Variants in GRIA2 observed in about 807,000 individuals in gnomAD.
GRIA2 encodes the protein glutamate receptor 2.
A neutral mutation model predicts 97.3 loss-of-function variants in GRIA2; 14 were observed. That is an observed-to-expected ratio of 0.14 (90% confidence interval 0.10 to 0.23). GRIA2 has a LOEUF of 0.23. Among genes scored for constraint, GRIA2 ranks in the 10% least tolerant of loss-of-function variants. The pLI, the probability that GRIA2 is intolerant of heterozygous loss-of-function variation, is 1.00. For missense variants in GRIA2, 558 were observed against 1,069.8 expected, an observed-to-expected ratio of 0.52 and a Z score of 6.67; for synonymous variants, 412 against 387.8, an observed-to-expected ratio of 1.06 and a Z score of -0.73.
chr4:157,270,694 A>C (rs1207382068), intron 2 of GRIA2, among the ~76,000 whole-genome samples: 1 of 152,086 alleles, frequency 6.6e-6, no homozygotes, highest in Non-Finnish European at 1.5e-5. Flanking sequence ...CCTTGTGTGC[A>C]CCCTTATGGT....
At position 157,360,084 on chromosome 4, in the gene GRIA2, T is replaced by C; in HGVS notation, c.2232T>C (p.Val744=). The C allele has an allele frequency of 1.2e-6, 2 of 1,613,878 alleles. No homozygotes were observed. Among genetic ancestry groups the C allele is most frequent in the Non-Finnish European group, 1.7e-6 (2 of 1,179,888 alleles). ...EQRKPCDTMK[V]GGNLDSKGYG... ...GGAAGCCTTGCGACACCATGAAAGT[T>C]GGTGGAAACCTGGATTCCAAAGGCT... The change falls in exon 13 of 16, where the codon GTT becomes GTC. Residue 744 remains valine (V), a synonymous_variant. Transcript: ENST00000264426.
chr4:157,338,883 A>T (rs1212364331), intron 11 of GRIA2, among the ~76,000 whole-genome samples: 1 of 152,040 alleles, frequency 6.6e-6, no homozygotes, highest in Non-Finnish European at 1.5e-5. Context: ...ACCCTAGTTG[A>T]GAAGAATACA....
At chr4:157,229,993 C>T (rs1005410887) in intron 2 of GRIA2, among the ~76,000 whole-genome samples, 3 of 152,060 alleles carry the variant, frequency 2.0e-5, no homozygotes, top group Admixed American at 2.0e-4. Flanking sequence ...TAAGTATATT[C>T]TATGCTTGTT....
intron 2 of GRIA2, among the ~76,000 whole-genome samples, chr4:157,293,132 G>A (rs1733181173): frequency 6.6e-6 from 1 of 152,042 alleles, no homozygotes; most frequent in African/African-American, 2.4e-5. Flanking sequence ...CTATATTTGG[G>A]TGATAATTTG....
intron 12 of GRIA2, among the ~76,000 whole-genome samples, chr4:157,355,943 A>ATATATT (rs1560781206): frequency 1.7e-4 from 1 of 5,814 alleles, no homozygotes; most frequent in Non-Finnish European, 7.9e-4. Flanking sequence ...TTATATATTA[A>ATATATT]TATATATTTA....
chr4:157,332,271 A>T (rs1390062308), intron 6 of GRIA2, among the ~76,000 whole-genome samples: 1 of 151,968 alleles, frequency 6.6e-6, no homozygotes, highest in Non-Finnish European at 1.5e-5. Flanking sequence ...GAAATTATGA[A>T]GTTTTGTGGT....
At chr4:157,228,801 AAAAAAAAAAG>A (rs1389559702) in intron 2 of GRIA2, among the ~76,000 whole-genome samples, 1 of 150,676 alleles carries the variant, frequency 6.6e-6, no homozygotes, top group East Asian at 1.9e-4. Context: ...AAAAAAAAAA[AAAAAAAAAAG>A]AAGGAAAAAA....
At chr4:157,332,699 T>C in intron 6 of GRIA2, 120 bp from the exon 7 acceptor site, 1 of 650,348 alleles carries the variant, frequency 1.5e-6, no homozygotes, top group Non-Finnish European at 2.7e-6. Context: ...AGAAATTGTG[T>C]TTAAATTCTT....
intron 2 of GRIA2, among the ~76,000 whole-genome samples, chr4:157,224,067 G>A (rs1235142815): frequency 3.3e-5 from 5 of 152,058 alleles, no homozygotes; most frequent in Non-Finnish European, 7.4e-5. Context: ...TAATCAACAT[G>A]TGGACTTCTT....
At chr4:157,307,943 T>C (rs2126876184) in intron 3 of GRIA2, among the ~76,000 whole-genome samples, 1 of 152,384 alleles carries the variant, frequency 6.6e-6, no homozygotes, top group Non-Finnish European at 1.5e-5. Flanking sequence ...TAATTTGGCC[T>C]AGGCATGCTG....
At position 157,315,157 on chromosome 4, in the gene GRIA2, A is replaced by G. The variant is rs573279396; in HGVS notation, c.666+2282A>G. Among the ~76,000 whole-genome samples the G allele has an allele frequency of 6.6e-5, 10 of 152,344 alleles. No individual in the cohort carries two copies. In the East Asian group the frequency reaches 1.9e-3, roughly 29 times the overall value. On this transcript the variant is annotated intron_variant, in intron 4 of 15. Transcript: ENST00000264426. ...CTAATGTTTGCCAGGCAGGCACTGCAGTAGATCCAAGGAAGCAATGTTAAA... is the reference window on the plus strand; with the variant it reads ...CTAATGTTTGCCAGGCAGGCACTGCGGTAGATCCAAGGAAGCAATGTTAAA...
At chr4:157,241,572 A>G (rs2126717807) in intron 2 of GRIA2, among the ~76,000 whole-genome samples, 1 of 152,228 alleles carries the variant, frequency 6.6e-6, no homozygotes, top group East Asian at 1.9e-4. Flanking sequence ...GACAAAAAAG[A>G]TCATACATCC....
intron 5 of GRIA2, 134 bp downstream of exon 5, chr4:157,317,845 G>A: frequency 2.1e-6 from 1 of 479,178 alleles, no homozygotes; most frequent in Non-Finnish European, 3.8e-6. Context: ...GTGTAGTGGT[G>A]GGCACCTGTA....
intron 2 of GRIA2, among the ~76,000 whole-genome samples, chr4:157,276,674 A>C (rs947475459): frequency 3.9e-5 from 6 of 152,086 alleles, no homozygotes; most frequent in Admixed American, 6.6e-5. Flanking sequence ...TAGATGATAC[A>C]AAATGCTAAT....
At chr4:157,330,431 T>C (rs1268299944) in intron 6 of GRIA2, among the ~76,000 whole-genome samples, 1 of 151,934 alleles carries the variant, frequency 6.6e-6, no homozygotes, top group East Asian at 1.9e-4. Flanking sequence ...GTAGATACTA[T>C]GTTTAGAAAA....
At chr4:157,254,006 G>T (rs142898533) in intron 2 of GRIA2, among the ~76,000 whole-genome samples, 1 of 151,438 alleles carries the variant, frequency 6.6e-6, no homozygotes, top group Non-Finnish European at 1.5e-5. Flanking sequence ...AAAAGTACAC[G>T]CACACACACA....
intron 11 of GRIA2, among the ~76,000 whole-genome samples, chr4:157,337,527 T>C (rs1032255188): frequency 6.6e-6 from 1 of 152,070 alleles, no homozygotes; most frequent in Non-Finnish European, 1.5e-5. Flanking sequence ...ATGATTTTTC[T>C]AGTGTGATTA....
At chr4:157,299,686 G>A (rs1213821036) in intron 2 of GRIA2, among the ~76,000 whole-genome samples, 2 of 152,090 alleles carry the variant, frequency 1.3e-5, no homozygotes, top group Admixed American at 1.3e-4. Flanking sequence ...AATAAAAAGT[G>A]AAATAATCAG....
chr4:157,225,456 A>G (rs1380984743), intron 2 of GRIA2, among the ~76,000 whole-genome samples: 1 of 152,000 alleles, frequency 6.6e-6, no homozygotes, highest in African/African-American at 2.4e-5. Context: ...CTTCATTATT[A>G]AAAATACAAA....
Sources: allele counts gnomAD v4.1 joint callset (sites outside exome capture counted in the v4.1 genomes callset), GRCh38; gene constraint gnomAD v4.1.1; transcripts MANE v1.5; gene names NCBI Gene and HGNC (gene_info 2026-07-23, HGNC 2026-07-21).